SNTG1: variants seen among roughly 807,000 people sequenced by gnomAD.
The protein encoded by SNTG1 is syntrophin gamma 1, also known as gamma-1-syntrophin.
Under a neutral mutation model 74.7 loss-of-function variants are expected in SNTG1, and 39 were observed. That is an observed-to-expected ratio of 0.52 (90% CI 0.40 to 0.68). SNTG1 has a LOEUF of 0.68. Ranked by LOEUF, SNTG1 falls within the 30% of genes least tolerant of loss-of-function variation. The probability of loss-of-function intolerance (pLI) is 0.00; values close to 1 mark genes in which losing one functional copy is unlikely to be tolerated. For missense variants in SNTG1, 685 were observed against 609.5 expected (o/e 1.12, Z -1.30); for synonymous variants, 254 against 217.1 (o/e 1.17, Z -1.49).
intron 1 of SNTG1, among the ~76,000 whole-genome samples, chr8:50,138,912 T>C (rs928577750): frequency 1.3e-4 from 20 of 152,234 alleles, no homozygotes; most frequent in Admixed American, 1.3e-3. Flanking sequence ...ACTGACTTTA[T>C]AAAATTTAAA....
intron 1 of SNTG1, among the ~76,000 whole-genome samples, chr8:50,000,116 T>C (rs1040583509): frequency 6.6e-5 from 10 of 152,208 alleles, no homozygotes; most frequent in African/African-American, 2.4e-4. Flanking sequence ...CCATGATGAC[T>C]GGCACCGTGC....
At chr8:50,260,761 C>A (rs200620572) in intron 2 of SNTG1, among the ~76,000 whole-genome samples, 2,385 of 105,628 alleles carry the variant, frequency 0.023, 45 homozygotes, top group South Asian at 0.061. Context: ...AAAAAAAAAA[C>A]AATTAAAAAG....
chr8:50,415,471 CATAAT>C (rs1456781058), intron 4 of SNTG1, among the ~76,000 whole-genome samples: 15 of 152,006 alleles, frequency 9.9e-5, no homozygotes, highest in African/African-American at 3.6e-4. Context: ...TACATGTTAA[CATAAT>C]ATATCAAGGA....
chr8:50,635,534 T>G (rs2095033560), intron 13 of SNTG1, among the ~76,000 whole-genome samples: 1 of 152,130 alleles, frequency 6.6e-6, no homozygotes, highest in East Asian at 1.9e-4. Context: ...TCCTTCCCTT[T>G]TACACAGGCA....
intron 1 of SNTG1, among the ~76,000 whole-genome samples, chr8:50,149,830 G>A (rs2082001619): frequency 6.6e-6 from 1 of 152,164 alleles, no homozygotes; most frequent in South Asian, 2.1e-4. Context: ...GTATCGTGAT[G>A]CTTCCAGCTT....
At chr8:50,143,550 C>G (rs556542682) in intron 1 of SNTG1, among the ~76,000 whole-genome samples, 1 of 152,190 alleles carries the variant, frequency 6.6e-6, no homozygotes, top group Non-Finnish European at 1.5e-5. Flanking sequence ...TCTATGGATA[C>G]TCTTTTCCAC....
chr8:50,331,587 C>A lies in SNTG1; in HGVS notation c.-27-62625C>A, dbSNP rs181207957. Among the ~76,000 whole-genome samples the A allele has an allele frequency of 1.8e-3, 275 of 152,160 alleles. 6 individuals are homozygous for A. The highest frequency in any genetic ancestry group is 0.017 in the Admixed American group (267 of 15,284). ...TTACCGAGAAGCCATTGGCAATATTCAAGCATAGTCTTGGCAGGTGAGTGC... is the reference window on the plus strand; with the variant it reads ...TTACCGAGAAGCCATTGGCAATATTAAAGCATAGTCTTGGCAGGTGAGTGC... On this transcript the variant is annotated intron_variant, in intron 2 of 18. Coordinates refer to ENST00000642720, the MANE Select transcript of SNTG1 (RefSeq NM_018967.5).
chr8:50,619,866 A>C (rs1038047779), intron 13 of SNTG1, among the ~76,000 whole-genome samples: 1 of 150,692 alleles, frequency 6.6e-6, no homozygotes. Context: ...TATTTGAAAT[A>C]TATTGGCTTC....
At chr8:50,426,131 G>C (rs2093160665) in intron 4 of SNTG1, among the ~76,000 whole-genome samples, 1 of 152,106 alleles carries the variant, frequency 6.6e-6, no homozygotes, top group Admixed American at 6.6e-5. Flanking sequence ...CATTTTGATA[G>C]GTAAATTGTA....
intron 2 of SNTG1, among the ~76,000 whole-genome samples, chr8:50,284,418 C>G (rs1004115836): frequency 1.3e-5 from 2 of 152,110 alleles, no homozygotes; most frequent in Non-Finnish European, 2.9e-5. Context: ...TGTTGAGGCT[C>G]ATGATGCATC....
intron 15 of SNTG1, among the ~76,000 whole-genome samples, chr8:50,667,314 T>C (rs2095255476): frequency 6.6e-6 from 1 of 152,018 alleles, no homozygotes; most frequent in Non-Finnish European, 1.5e-5. Context: ...AAAAGTTACA[T>C]TTTAGGGAGG....
intron 4 of SNTG1, among the ~76,000 whole-genome samples, chr8:50,408,057 A>C (rs1224456133): frequency 6.6e-6 from 1 of 152,220 alleles, no homozygotes; most frequent in Non-Finnish European, 1.5e-5. Flanking sequence ...ACCACTGGCT[A>C]TGTGAATCCT....
intron 4 of SNTG1, among the ~76,000 whole-genome samples, chr8:50,423,276 T>C (rs7843301): frequency 0.092 from 13,981 of 152,242 alleles, 1,959 homozygotes; most frequent in African/African-American, 0.3. Context: ...GTTTGTTCTC[T>C]GTTATGTTTA....
intron 1 of SNTG1, among the ~76,000 whole-genome samples, chr8:50,037,103 G>A (rs1207976437): frequency 6.6e-6 from 1 of 152,164 alleles, no homozygotes; most frequent in Non-Finnish European, 1.5e-5. Flanking sequence ...TTAAGTTTGT[G>A]TGACAACTGG....
intron 1 of SNTG1, among the ~76,000 whole-genome samples, chr8:50,038,962 G>A (rs930779740): frequency 6.6e-6 from 1 of 152,138 alleles, no homozygotes; most frequent in Admixed American, 6.5e-5. Context: ...TTCATCCGTG[G>A]TGGTGTACCC....
intron 2 of SNTG1, among the ~76,000 whole-genome samples, chr8:50,367,396 T>G (rs1263532628): frequency 1.3e-5 from 2 of 152,092 alleles, no homozygotes; most frequent in Admixed American, 6.6e-5. Flanking sequence ...TTTATTTAAT[T>G]CTATGTTAGA....
At chr8:50,483,107 A>C (rs892580786) in intron 8 of SNTG1, among the ~76,000 whole-genome samples, 1 of 152,218 alleles carries the variant, frequency 6.6e-6, no homozygotes, top group Non-Finnish European at 1.5e-5. Context: ...ACTAATTTTC[A>C]TATAAGTAAA....
chr8:50,244,031 C>T (rs2086281658), intron 2 of SNTG1, among the ~76,000 whole-genome samples: 1 of 152,108 alleles, frequency 6.6e-6, no homozygotes, highest in Non-Finnish European at 1.5e-5. Flanking sequence ...GCTCCTGGTT[C>T]TTCAGGCTAT....
intron 1 of SNTG1, among the ~76,000 whole-genome samples, chr8:50,169,363 T>C (rs1335956749): frequency 6.6e-6 from 1 of 152,226 alleles, no homozygotes; most frequent in Non-Finnish European, 1.5e-5. Flanking sequence ...AATTCCTAAG[T>C]CAAAAATGAA....
Sources: gnomAD v4.1 joint callset for allele counts (sites outside exome capture counted in the v4.1 genomes callset) on GRCh38, gnomAD v4.1.1 for gene constraint, MANE v1.5 for transcripts, NCBI Gene and HGNC (gene_info 2026-07-23, HGNC 2026-07-21) for gene names.